Variants in COP1 observed in about 807,000 individuals in gnomAD.
COP1 encodes COP1 E3 ubiquitin ligase, also known as E3 ubiquitin-protein ligase COP1.
In COP1, 24 loss-of-function variants were observed where a neutral mutation model predicts 101.3. That is an observed-to-expected ratio of 0.24 (90% CI 0.17 to 0.33). The LOEUF is 0.33. COP1 is among the 10% of genes least tolerant of loss of function. The pLI is 1.00. For missense variants in COP1, 663 were observed against 906.2 expected (o/e 0.73, Z 3.45); for synonymous variants, 347 against 341.9 (o/e 1.01, Z -0.17).
chr1:176,163,059 A>G (rs1694576717), intron 4 of COP1, 71 bp from the exon 5 acceptor site: 18 of 1,444,990 alleles, frequency 1.2e-5, no homozygotes, highest in Non-Finnish European at 1.7e-5. Flanking sequence ...ACAAATGTTT[A>G]CTTGCTACTT....
At chr1:175,957,837 TTAC>T (rs1259142428) in intron 18 of COP1, among the ~76,000 whole-genome samples, 1 of 152,114 alleles carries the variant, frequency 6.6e-6, no homozygotes, top group African/African-American at 2.4e-5. Flanking sequence ...ATAAAATGGA[TTAC>T]TAATAAGAAG....
chr1:176,051,720 G>C (rs1209125860), intron 11 of COP1, among the ~76,000 whole-genome samples: 1 of 152,126 alleles, frequency 6.6e-6, no homozygotes, highest in African/African-American at 2.4e-5. Flanking sequence ...ATGTGGAAGA[G>C]ATCACAGTGA....
chr1:176,061,149 C>T (rs1011020013), intron 11 of COP1, among the ~76,000 whole-genome samples: 1 of 152,176 alleles, frequency 6.6e-6, no homozygotes, highest in Non-Finnish European at 1.5e-5. Flanking sequence ...GTTAAGTAGA[C>T]TCACATATAT....
At chr1:176,126,556 A>G (rs1369884009) in intron 8 of COP1, among the ~76,000 whole-genome samples, 2 of 152,046 alleles carry the variant, frequency 1.3e-5, no homozygotes, top group Non-Finnish European at 2.9e-5. Context: ...TCCCGGGTTC[A>G]AGTGATTCTC....
At chr1:175,984,339 C>T (rs912647790) in intron 18 of COP1, among the ~76,000 whole-genome samples, 1 of 152,200 alleles carries the variant, frequency 6.6e-6, no homozygotes, top group African/African-American at 2.4e-5. Context: ...GGGTGCAAGC[C>T]CAAAGCCTTG....
intron 9 of COP1, among the ~76,000 whole-genome samples, chr1:176,097,547 T>C (rs763098463): frequency 4.6e-5 from 7 of 151,900 alleles, no homozygotes; most frequent in Non-Finnish European, 7.4e-5. Flanking sequence ...GTGATGTCTA[T>C]AAAAAAGCTC....
chr1:176,052,045 C>T (rs1012068947), intron 11 of COP1, among the ~76,000 whole-genome samples: 1 of 152,100 alleles, frequency 6.6e-6, no homozygotes, highest in Non-Finnish European at 1.5e-5. Context: ...CAGTAATATA[C>T]AGTAATATCC....
intron 8 of COP1, among the ~76,000 whole-genome samples, chr1:176,127,718 G>C (rs543362210): frequency 4.6e-5 from 7 of 152,162 alleles, no homozygotes; most frequent in Admixed American, 2.6e-4. Flanking sequence ...AAGAAGATGG[G>C]ACTTTTTTCA....
chr1:175,976,733 T>C (rs1256607981), intron 18 of COP1, among the ~76,000 whole-genome samples: 1 of 152,232 alleles, frequency 6.6e-6, no homozygotes, highest in Non-Finnish European at 1.5e-5. Flanking sequence ...GAAACTTAAA[T>C]TATTCTTGGC....
At chr1:176,184,931 T>C (rs1698258059) in intron 1 of COP1, among the ~76,000 whole-genome samples, 1 of 152,144 alleles carries the variant, frequency 6.6e-6, no homozygotes, top group African/African-American at 2.4e-5. Context: ...ATGAAGTCAA[T>C]GAGTAAATCA....
intron 11 of COP1, among the ~76,000 whole-genome samples, chr1:176,079,372 G>T (rs1026035599): frequency 6.6e-6 from 1 of 152,138 alleles, no homozygotes; most frequent in Non-Finnish European, 1.5e-5. Context: ...GTGAATTAAT[G>T]CAAGAACAGA....
chr1:176,128,056 T>G (rs904907810), intron 8 of COP1, among the ~76,000 whole-genome samples: 3 of 152,092 alleles, frequency 2.0e-5, no homozygotes, highest in African/African-American at 7.2e-5. Context: ...TTCAAGTCCT[T>G]TACTCATTTT....
chr1:176,004,182 G>A (rs1470074387), intron 15 of COP1, among the ~76,000 whole-genome samples: 1 of 151,060 alleles, frequency 6.6e-6, no homozygotes, highest in Non-Finnish European at 1.5e-5. Flanking sequence ...GAATGCTTGT[G>A]ATTTTTGTAC....
chr1:176,120,946 T>C (rs1173846443), intron 8 of COP1, among the ~76,000 whole-genome samples: 2 of 152,226 alleles, frequency 1.3e-5, no homozygotes, highest in African/African-American at 4.8e-5. Flanking sequence ...ACTGAGATCA[T>C]TTTAGGCTAA....
At chr1:176,145,150 C>A (rs2149799752) in intron 6 of COP1, among the ~76,000 whole-genome samples, 4 of 152,006 alleles carry the variant, frequency 2.6e-5, no homozygotes, top group Middle Eastern at 6.8e-3. Context: ...AAATATCAAA[C>A]CATTAAGAAA....
Position 176,206,634 on chromosome 1 carries a change from G to A in COP1, c.345C>T (p.Leu115=), listed in dbSNP as rs1415578588. 3.7e-6 allele frequency: 6 copies of A among 1,612,106 alleles called. No homozygotes were observed. Among genetic ancestry groups the A allele is most frequent in the Non-Finnish European group, 5.1e-6 (6 of 1,180,002 alleles). Residue 115 remains leucine (L), a synonymous_variant, in exon 1 of 20, where the codon CTC becomes CTT. Coordinates refer to ENST00000367669, the MANE Select transcript of COP1 (RefSeq NM_022457.7). The stretch of plus-strand genomic sequence containing the variant: ...TGAGCCCGTTGCAGAGGGGGGCGAG[G>A]AGAGGTCGCTTCCTGCTGCCGCTGC... ...SLGSGSRKRP[L]LAPLCNGLIN...
intron 1 of COP1, among the ~76,000 whole-genome samples, chr1:176,204,394 A>T (rs1700609675): frequency 6.6e-6 from 1 of 152,168 alleles, no homozygotes; most frequent in African/African-American, 2.4e-5. Flanking sequence ...GAATAATTTG[A>T]ATTGGTTCAC....
chr1:176,190,043 T>C (rs914489448), intron 1 of COP1, among the ~76,000 whole-genome samples: 6 of 152,084 alleles, frequency 3.9e-5, no homozygotes, highest in Non-Finnish European at 8.8e-5. Flanking sequence ...ATGGTTATTA[T>C]AGGCATCTGA....
intron 18 of COP1, among the ~76,000 whole-genome samples, chr1:175,973,779 A>G (rs920434133): frequency 1.4e-4 from 22 of 152,254 alleles, no homozygotes; most frequent in African/African-American, 5.1e-4. Context: ...TTGTGGCTAC[A>G]AAACTCAGCA....
Sources: gnomAD v4.1 joint callset for allele counts (sites outside exome capture counted in the v4.1 genomes callset) on GRCh38, gnomAD v4.1.1 for gene constraint, MANE v1.5 for transcripts, NCBI Gene and HGNC (gene_info 2026-07-23, HGNC 2026-07-21) for gene names.